DNAH6: variants seen among roughly 807,000 people sequenced by gnomAD.
DNAH6 encodes dynein axonemal heavy chain 6, also known as axonemal beta dynein heavy chain 6.
A neutral mutation model predicts 491.4 loss-of-function variants in DNAH6; 340 were observed. The ratio of observed to expected loss-of-function variants is 0.69; its 90% CI spans 0.63 to 0.76. The LOEUF (loss-of-function observed/expected upper bound fraction) is 0.76, where lower values mean the gene tolerates loss of function less well. Among genes scored for constraint, DNAH6 ranks in the 30% least tolerant of loss-of-function variants. The pLI, the probability that DNAH6 is intolerant of heterozygous loss-of-function variation, is 0.00. For missense variants in DNAH6, 4,443 were observed against 4,972.2 expected (o/e 0.89, Z 3.20); for synonymous variants, 1,603 against 1,686.1 (o/e 0.95, Z 1.21).
rs533653812 is a variant in DNAH6, at chr2:84,547,379, G to A, written c.1042G>A (p.Ala348Thr). ...HTYTLQEFKA[A>T]QVIRLAEVTE... Reference sequence around the variant, plus strand: ...CTACACCCTGCAGGAATTTAAGGCCGCACAAGTCATACGGCTAGCAGAGGT... The same window carrying A: ...CTACACCCTGCAGGAATTTAAGGCCACACAAGTCATACGGCTAGCAGAGGT... The change falls in exon 6 of 77, where the codon GCA becomes ACA. Residue 348 changes from alanine to threonine, a missense_variant. Ala to Thr is a moderately conservative substitution (Grantham distance 58). Transcript: ENST00000389394. 2.8e-5 allele frequency: 44 copies of A among 1,551,650 alleles called. 1 individual carries two copies. Among genetic ancestry groups the A allele is most frequent in the South Asian group, 2.7e-4 (23 of 84,024 alleles).
chr2:84,533,792 A>G (rs1461943025), intron 4 of DNAH6, among the ~76,000 whole-genome samples: 2 of 152,132 alleles, frequency 1.3e-5, no homozygotes, highest in African/African-American at 4.8e-5. Flanking sequence ...TTACCATCTG[A>G]TTCAGTGCTA....
At chr2:84,637,730 T>C (rs998774872) in intron 31 of DNAH6, among the ~76,000 whole-genome samples, 2 of 152,166 alleles carry the variant, frequency 1.3e-5, no homozygotes, top group African/African-American at 2.4e-5. Context: ...TGCACATTAT[T>C]TTTTACTGGA....
At chr2:84,673,457 G>T (rs571915988) in intron 40 of DNAH6, among the ~76,000 whole-genome samples, 3 of 152,320 alleles carry the variant, frequency 2.0e-5, no homozygotes, top group East Asian at 3.9e-4. Flanking sequence ...TGGTCAGAAA[G>T]GTTTAGAAGC....
intron 58 of DNAH6, among the ~76,000 whole-genome samples, chr2:84,717,970 G>C (rs55684751): frequency 6.6e-6 from 1 of 152,196 alleles, no homozygotes; most frequent in Non-Finnish European, 1.5e-5. Context: ...AACTTCAGTA[G>C]TATGCATCTC....
intron 71 of DNAH6, among the ~76,000 whole-genome samples, chr2:84,807,662 C>T (rs1042232708): frequency 6.6e-6 from 1 of 152,120 alleles, no homozygotes; most frequent in African/African-American, 2.4e-5. Context: ...CTGGAATGTT[C>T]CTTGTCTGCC....
rs532974706 is a variant in DNAH6, at chr2:84,688,550, G to A, written c.7249G>A (p.Val2417Ile). 4.5e-6 allele frequency: 7 copies of A among 1,544,696 alleles called. No individual in the cohort carries two copies. The Admixed American group carries it at 1.4e-4, about 32-fold the overall frequency. Residue 2417 changes from valine to isoleucine, a missense_variant, in exon 45 of 77, where the codon GTA becomes ATA. This residue lies in a region of DNAH6 where 2,977 missense variants were observed against 3,296.6 expected (regional missense o/e 0.90). Coordinates refer to ENST00000389394, the MANE Select transcript of DNAH6 (RefSeq NM_001370.2). Reference sequence around the variant, plus strand: ...TTATAATCTCACAAATCCCAAAGAAGTAAAGTTGGTGTTCTTCCAGGATGC... The same window carrying A: ...TTATAATCTCACAAATCCCAAAGAAATAAAGTTGGTGTTCTTCCAGGATGC... ...DDYNLTNPKEVKLVFFQDAIE... is the reference protein window; with the variant it reads ...DDYNLTNPKEIKLVFFQDAIE...
the DNAH6 span, among the ~76,000 whole-genome samples, chr2:84,499,081 A>G: frequency 2.2e-4 from 34 of 152,098 alleles, no homozygotes; most frequent in African/African-American, 6.8e-4. Flanking sequence ...AAAATGTACA[A>G]TTAAGTTATT....
chr2:84,799,526 C>T (rs1678679590), intron 70 of DNAH6, among the ~76,000 whole-genome samples: 1 of 152,222 alleles, frequency 6.6e-6, no homozygotes, highest in Non-Finnish European at 1.5e-5. Flanking sequence ...GCAGCAGGTG[C>T]CATATTGGTT....
At chr2:84,483,330 C>G in the DNAH6 span, among the ~76,000 whole-genome samples, 1 of 152,172 alleles carries the variant, frequency 6.6e-6, no homozygotes, top group African/African-American at 2.4e-5. Flanking sequence ...TGGCAACTCC[C>G]TGCTTTTGAC....
intron 61 of DNAH6, among the ~76,000 whole-genome samples, chr2:84,729,850 G>T (rs527743799): frequency 7.9e-5 from 12 of 151,942 alleles, no homozygotes; most frequent in African/African-American, 2.9e-4. Flanking sequence ...TATTTTTATC[G>T]TAAGTACTAC....
intron 4 of DNAH6, among the ~76,000 whole-genome samples, chr2:84,534,875 G>C (rs1038966777): frequency 7.9e-5 from 12 of 151,610 alleles, no homozygotes; most frequent in African/African-American, 2.9e-4. Context: ...CACTGTTGTG[G>C]GTTTGAACCT....
chr2:84,655,501 C>G (rs958279527), intron 35 of DNAH6, among the ~76,000 whole-genome samples: 2 of 152,100 alleles, frequency 1.3e-5, no homozygotes, highest in Admixed American at 6.6e-5. Context: ...GCCTCTCCCC[C>G]TCCAAAGATG....
intron 20 of DNAH6, among the ~76,000 whole-genome samples, chr2:84,606,338 G>A (rs1685761987): frequency 6.6e-6 from 1 of 152,132 alleles, no homozygotes; most frequent in African/African-American, 2.4e-5. Context: ...GTAAGTTTAG[G>A]CCAATTGATG....
At chr2:84,799,190 G>A (rs929478285) in intron 70 of DNAH6, among the ~76,000 whole-genome samples, 1 of 152,100 alleles carries the variant, frequency 6.6e-6, no homozygotes, top group African/African-American at 2.4e-5. Flanking sequence ...GTTTCACCAT[G>A]TTGACCAGGC....
chr2:84,524,018 G>C (rs1324437402), intron 2 of DNAH6, among the ~76,000 whole-genome samples: 2 of 151,722 alleles, frequency 1.3e-5, no homozygotes, highest in Non-Finnish European at 2.9e-5. Flanking sequence ...TTTCTGACTT[G>C]ATGATCTGTC....
At chr2:84,604,676 C>T in intron 19 of DNAH6, 125 bp downstream of exon 19, 3 of 703,494 alleles carry the variant, frequency 4.3e-6, no homozygotes, top group Non-Finnish European at 7.0e-6. Context: ...ATCAGTCATC[C>T]CTCTGTTGTT....
At chr2:84,525,799 T>A in intron 3 of DNAH6, 61 bp downstream of exon 3, 1 of 1,219,080 alleles carries the variant, frequency 8.2e-7, no homozygotes, top group Non-Finnish European at 1.1e-6. Flanking sequence ...ATAGCATTGC[T>A]AGCATACTTT....
chr2:84,518,174 A>G (rs1675773090), intron 2 of DNAH6, 123 bp downstream of exon 2: 1 of 688,828 alleles, frequency 1.5e-6, no homozygotes, highest in Non-Finnish European at 2.4e-6. Context: ...GCTAAAAGAT[A>G]ATAACTGCTT....
At chr2:84,510,410 T>C in the DNAH6 span, among the ~76,000 whole-genome samples, 1 of 152,286 alleles carries the variant, frequency 6.6e-6, no homozygotes, top group Admixed American at 6.5e-5. Context: ...TCTCGTGCCT[T>C]GGTTTTCAGC....
Sources: gnomAD v4.1 joint callset for allele counts (sites outside exome capture counted in the v4.1 genomes callset) on GRCh38, gnomAD v4.1.1 for gene constraint, gnomAD v4.1.1 regional missense constraint, MANE v1.5 for transcripts, NCBI Gene and HGNC (gene_info 2026-07-23, HGNC 2026-07-21) for gene names.